The following PHKA1 variants were observed in gnomAD, a reference collection of about 807,000 sequenced individuals.
PHKA1 encodes phosphorylase b kinase regulatory subunit alpha, skeletal muscle isoform.
A neutral mutation model predicts 110.2 loss-of-function variants in PHKA1; 60 were observed. That is an observed-to-expected ratio of 0.54 (90% CI 0.44 to 0.68). PHKA1 has a LOEUF of 0.68. PHKA1 is among the 30% of genes least tolerant of loss of function. The pLI, the probability that PHKA1 is intolerant of heterozygous loss-of-function variation, is 0.00. For missense variants in PHKA1, 801 were observed against 942.5 expected (o/e 0.85, Z 1.97); for synonymous variants, 316 against 333.6 (o/e 0.95, Z 0.58).
At position 72,596,799 on chromosome X, in the gene PHKA1, A is replaced by G. The variant is rs147296019; in HGVS notation, c.3073-3525T>C. 5.2e-3 allele frequency among the ~76,000 whole-genome samples: 577 copies of G among 111,656 alleles called. 14 individuals are homozygous for G. The East Asian group carries it at 0.058, about 11-fold the overall frequency. ...AACTGACAAGCTGATCCTAACATTCATATTTAAAAAGAAGACTGAAGTTGG... is the reference window on the plus strand; with the variant it reads ...AACTGACAAGCTGATCCTAACATTCGTATTTAAAAAGAAGACTGAAGTTGG... On this transcript the variant is annotated intron_variant, in intron 28 of 31. Coordinates refer to ENST00000373542, the MANE Select transcript of PHKA1 (RefSeq NM_002637.4).
chrX:72,673,923 T>C (rs1556310367), intron 6 of PHKA1, among the ~76,000 whole-genome samples: 1 of 107,342 alleles, frequency 9.3e-6, no homozygotes. Flanking sequence ...TCATTTAACA[T>C]TAGGTATATC....
chrX:72,609,625 CAG>C lies in PHKA1; in HGVS notation c.2603_2604del (p.Ser868CysfsTer6), dbSNP rs2052776972. ...CTGACCAAACCCAGCCATACTCACGCAGAGATAGTCTTTTCTCGAGGTTCTGG... is the reference window on the plus strand; with the variant it reads ...CTGACCAAACCCAGCCATACTCACGCAGATAGTCTTTTCTCGAGGTTCTGG... The part of the protein sequence containing the change: ...LPPEPREKTI[S>X]APLPYEALTQ... On this transcript the variant is annotated frameshift_variant and splice_region_variant, in exon 23 of 32. Coordinates refer to ENST00000373542, the MANE Select transcript of PHKA1 (RefSeq NM_002637.4). LOFTEE classifies it high-confidence loss of function. 1.7e-6 allele frequency: 2 copies of C among 1,192,602 alleles called. No homozygotes were observed. Among genetic ancestry groups the C allele is most frequent in the Non-Finnish European group, 2.3e-6 (2 of 878,108 alleles).
intron 14 of PHKA1, among the ~76,000 whole-genome samples, chrX:72,641,171 A>G (rs2095687760): frequency 8.9e-6 from 1 of 111,830 alleles, no homozygotes; most frequent in Non-Finnish European, 1.9e-5. Context: ...AAAGAAAGGT[A>G]TATTTTATAT....
intron 6 of PHKA1, among the ~76,000 whole-genome samples, chrX:72,672,674 T>G (rs1250299949): frequency 3.6e-5 from 4 of 111,885 alleles, no homozygotes; most frequent in Non-Finnish European, 7.5e-5. Context: ...AATACGAATT[T>G]TGGTGAGGGG....
At chrX:72,645,342 A>C (rs182792453) in intron 13 of PHKA1, among the ~76,000 whole-genome samples, 76 of 112,546 alleles carry the variant, frequency 6.8e-4, no homozygotes, top group African/African-American at 2.4e-3. Context: ...AAAAGAATGC[A>C]CTGCTTGGCT....
At chrX:72,650,585 T>G (rs1321789885) in intron 12 of PHKA1, 117 bp from the exon 13 acceptor site, 5 of 580,261 alleles carry the variant, frequency 8.6e-6, no homozygotes, top group Non-Finnish European at 1.4e-5. Flanking sequence ...GAGACAGGTG[T>G]AGAAAGGAAA....
intron 14 of PHKA1, among the ~76,000 whole-genome samples, chrX:72,639,262 A>G (rs1268913535): frequency 5.4e-5 from 6 of 111,980 alleles, no homozygotes; most frequent in African/African-American, 9.8e-5. Flanking sequence ...GGCTGGGTGC[A>G]GTGGTTCACG....
In PHKA1 at chrX:72,695,858, A is replaced by C; in HGVS notation, c.304T>G (p.Phe102Val). 1 of 1,208,375 alleles carries C rather than the reference A, an allele frequency of 8.3e-7. No individual in the cohort carries two copies. Among genetic ancestry groups the C allele is most frequent in the Non-Finnish European group, 1.1e-6 (1 of 892,333 alleles). ...MIRQVDKVESFKYSQSTKDSL... is the reference protein window; with the variant it reads ...MIRQVDKVESVKYSQSTKDSL... ...TCCTTAGTACTCTGACTATATTTGA[A>C]GGATTCTACTTTATCCACCTGAAAA... is the stretch of plus-strand genomic sequence containing the variant. The change falls in exon 4 of 32, where the codon TTC becomes GTC. Residue 102 changes from phenylalanine to valine, a missense_variant. By Grantham distance (50) the Phe-to-Val change is conservative. This residue lies in a region of PHKA1 where 299 missense variants were observed against 423.3 expected (regional missense o/e 0.71). Transcript: ENST00000373542.
intron 18 of PHKA1, chrX:72,622,246 C>T (rs1556278742): frequency 2.7e-6 from 2 of 754,131 alleles, no homozygotes; most frequent in African/African-American, 4.6e-5. Flanking sequence ...ATGTGTTGTC[C>T]TATTGTATGA....
At chrX:72,667,935 A>T (rs2053634209) in intron 6 of PHKA1, among the ~76,000 whole-genome samples, 1 of 111,763 alleles carries the variant, frequency 8.9e-6, no homozygotes, top group South Asian at 3.7e-4. Flanking sequence ...CATTTTTGAC[A>T]TGTTTTTTAT....
At chrX:72,587,225 A>T (rs1341470376) in intron 29 of PHKA1, among the ~76,000 whole-genome samples, 1 of 111,773 alleles carries the variant, frequency 8.9e-6, no homozygotes, top group African/African-American at 3.3e-5. Context: ...TCAAACTAAG[A>T]GCTGATCTCT....
rs370717042 is a variant in PHKA1 at position 72,611,074 on chromosome X, C to T, written c.2480G>A (p.Arg827Gln). The T allele has an allele frequency of 7.5e-6, 9 of 1,205,282 alleles. No homozygotes were observed. The highest frequency in any genetic ancestry group is 3.5e-5 in the African/African-American group (2 of 56,996). Residue 827 changes from arginine (R) to glutamine (Q), a missense_variant, in exon 22 of 32, where the codon CGA (arginine) becomes CAA (glutamine). This residue lies in a region of PHKA1 where 502 missense variants were observed against 519.2 expected (regional missense o/e 0.97). Transcript: ENST00000373542. Reference sequence around the variant, plus strand: ...CTTCCTTAAGATCCCAGAAATGTATCGGATCAGGCCCCAGTGACGAATTTC... The same window carrying T: ...CTTCCTTAAGATCCCAGAAATGTATTGGATCAGGCCCCAGTGACGAATTTC... ...VGEIRHWGLI[R>Q]YISGILRKKV...
chrX:72,627,412 T>C (rs1014431460), intron 16 of PHKA1, among the ~76,000 whole-genome samples: 5 of 112,442 alleles, frequency 4.4e-5, no homozygotes, highest in African/African-American at 1.6e-4. Context: ...CTAAACATTT[T>C]ATACACATTA....
intron 20 of PHKA1, among the ~76,000 whole-genome samples, 169 bp downstream of exon 20, chrX:72,619,045 C>T (rs887917009): frequency 2.5e-4 from 28 of 112,190 alleles, no homozygotes; most frequent in African/African-American, 9.0e-4. Flanking sequence ...TCTGACCAGA[C>T]AAACTTGCCC....
intron 17 of PHKA1, among the ~76,000 whole-genome samples, chrX:72,625,405 T>A (rs782666138): frequency 1.8e-5 from 2 of 111,718 alleles, no homozygotes; most frequent in Non-Finnish European, 3.8e-5. Flanking sequence ...GATAATGGCC[T>A]CTATATGAAT....
intron 6 of PHKA1, among the ~76,000 whole-genome samples, chrX:72,670,184 G>T (rs782096375): frequency 3.6e-5 from 4 of 111,866 alleles, no homozygotes; most frequent in African/African-American, 1.3e-4. Context: ...CTTCTTTTGA[G>T]AAGTGTCTGT....
At chrX:72,622,088 A>G (rs1359128972) in intron 18 of PHKA1, 2 of 741,672 alleles carry the variant, frequency 2.7e-6, no homozygotes, top group African/African-American at 2.3e-5. Context: ...TATTACTGAT[A>G]ACAGTAAATA....
At chrX:72,626,547 T>C (rs917007776) in intron 17 of PHKA1, among the ~76,000 whole-genome samples, 2 of 111,289 alleles carry the variant, frequency 1.8e-5, no homozygotes, top group South Asian at 7.7e-4. Flanking sequence ...AAGATACAGT[T>C]AGCCCCCGCT....
Position 72,609,838 on chromosome X carries a change from T to C in PHKA1, c.2527-135A>G, listed in dbSNP as rs1346732075. 3.9e-5 allele frequency: 20 copies of C among 513,094 alleles called. No individual in the cohort carries two copies. The Admixed American group carries it at 4.6e-4, about 12-fold the overall frequency. 42.3% of individuals were successfully genotyped at this position (513,094 alleles called of 1,213,427 possible). A position where few individuals can be genotyped will look rare whatever the true frequency, so the allele number is the denominator to read the frequency against. On this transcript the variant is annotated intron_variant, in intron 22 of 31. Transcript: ENST00000373542. ...GAACTCTCTTCCTCAGAAAATACCA[T>C]GAAGATCAGAAAAGAAGGATTTCTA...
Sources: gnomAD v4.1 joint callset for allele counts (sites outside exome capture counted in the v4.1 genomes callset) on GRCh38, gnomAD v4.1.1 for gene constraint, gnomAD v4.1.1 regional missense constraint, MANE v1.5 for transcripts, NCBI Gene and HGNC (gene_info 2026-07-23, HGNC 2026-07-21) for gene names.